Variants in SNX25 observed in about 807,000 individuals in gnomAD.
The protein encoded by SNX25 is sorting nexin-25.
SNX25 carries 62 observed loss-of-function variants against 113.7 expected under a neutral mutation model. The ratio of observed to expected loss-of-function variants is 0.55; its 90% CI spans 0.44 to 0.67. The LOEUF is 0.67. Ranked by LOEUF, SNX25 falls within the 30% of genes least tolerant of loss-of-function variation. The pLI is 0.00. For missense variants in SNX25, 1,014 were observed against 1,161.0 expected, an observed-to-expected ratio of 0.87 and a Z score of 1.84; for synonymous variants, 421 against 436.2, an observed-to-expected ratio of 0.97 and a Z score of 0.43.
chr4:185,288,185 C>T, intron 6 of SNX25, 103 bp downstream of exon 6: 1 of 774,698 alleles, frequency 1.3e-6, no homozygotes, highest in East Asian at 2.6e-5. Context: ...GCTTTTCTGG[C>T]TTACATTTAA....
At chr4:185,258,444 G>A (rs576801696) in intron 2 of SNX25, among the ~76,000 whole-genome samples, 6 of 152,272 alleles carry the variant, frequency 3.9e-5, no homozygotes, top group South Asian at 4.1e-4. Context: ...AGAAACTGAC[G>A]GTGTTTGCAG....
intron 2 of SNX25, 55 bp from the exon 3 acceptor site, chr4:185,258,793 C>A: frequency 5.6e-6 from 8 of 1,429,500 alleles, no homozygotes; most frequent in Non-Finnish European, 7.9e-6. Context: ...GAAATGCAGT[C>A]TTGGTGTTTG....
chr4:185,275,668 A>G (rs1431279250), intron 5 of SNX25, among the ~76,000 whole-genome samples: 1 of 152,214 alleles, frequency 6.6e-6, no homozygotes. Context: ...AGTGATTCTG[A>G]AAATACATTG....
chr4:185,285,933 C>T (rs1436173973), intron 5 of SNX25, among the ~76,000 whole-genome samples: 2 of 130,456 alleles, frequency 1.5e-5, no homozygotes, highest in African/African-American at 6.2e-5. Context: ...CCACCATGCC[C>T]AGCTAATTTT....
At chr4:185,238,507 A>G (rs1743001728) in intron 1 of SNX25, among the ~76,000 whole-genome samples, 1 of 152,154 alleles carries the variant, frequency 6.6e-6, no homozygotes, top group Non-Finnish European at 1.5e-5. Context: ...AGGCTGAGGC[A>G]GAATATCGTT....
rs1181280014 is a variant in SNX25 at position 185,334,134 on chromosome 4, C to T, written c.1914+1375C>T. The stretch of plus-strand genomic sequence containing the variant: ...CGGGTGGATCACTTGAGGTCAGGAG[C>T]TCGAGGCCAGCCTGGCCAACATGAT... On this transcript the variant is annotated intron_variant, in intron 10 of 18. Transcript: ENST00000652585. The surrounding 1 kb of genome is among the most constrained non-coding windows in gnomAD (Gnocchi z 4.2). Among the ~76,000 whole-genome samples, 1 of 151,378 alleles carries T rather than the reference C, an allele frequency of 6.6e-6. No individual in the cohort carries two copies. Among genetic ancestry groups the T allele is most frequent in the South Asian group, 2.1e-4 (1 of 4,786 alleles).
intron 1 of SNX25, among the ~76,000 whole-genome samples, chr4:185,239,441 C>T (rs1313396515): frequency 1.3e-5 from 2 of 151,178 alleles, no homozygotes. Context: ...TGAGATCGCA[C>T]CGCTGCACTC....
At chr4:185,311,906 T>C (rs2095034115) in intron 7 of SNX25, among the ~76,000 whole-genome samples, 2 of 152,300 alleles carry the variant, frequency 1.3e-5, no homozygotes, top group Admixed American at 1.3e-4. Flanking sequence ...ACTCTTGTTT[T>C]TATAATCCTC....
chr4:185,219,234 G>T (rs1293876517), intron 1 of SNX25, among the ~76,000 whole-genome samples: 2 of 152,160 alleles, frequency 1.3e-5, no homozygotes. Context: ...TGGCAGGCTA[G>T]CCCTGTTTCT....
intron 5 of SNX25, among the ~76,000 whole-genome samples, chr4:185,276,610 G>A (rs1298919532): frequency 6.6e-6 from 1 of 152,162 alleles, no homozygotes; most frequent in African/African-American, 2.4e-5. Context: ...TGGGGCGGGA[G>A]GATGGCTTGA....
chr4:185,211,469 CTT>C (rs1020269759), intron 1 of SNX25, among the ~76,000 whole-genome samples: 1 of 152,136 alleles, frequency 6.6e-6, no homozygotes, highest in Non-Finnish European at 1.5e-5. Context: ...TGTCTCTCCT[CTT>C]TTTTTCTACC....
At chr4:185,279,357 A>G (rs1384739100) in intron 5 of SNX25, among the ~76,000 whole-genome samples, 2 of 152,130 alleles carry the variant, frequency 1.3e-5, no homozygotes, top group Middle Eastern at 3.2e-3. Context: ...CTGTTCAAAT[A>G]TAATTTTCTA....
At chr4:185,289,731 T>C (rs1263627526) in intron 6 of SNX25, among the ~76,000 whole-genome samples, 6 of 152,192 alleles carry the variant, frequency 3.9e-5, no homozygotes, top group African/African-American at 1.4e-4. Context: ...TCCAGACAGA[T>C]GGATAATTGT....
chr4:185,350,894 A>G (rs1222272126), intron 13 of SNX25, among the ~76,000 whole-genome samples: 1 of 152,192 alleles, frequency 6.6e-6, no homozygotes, highest in Non-Finnish European at 1.5e-5. Flanking sequence ...ATTGTTACAT[A>G]ATTATGTAAA....
chr4:185,374,066 C>A (rs377259263), downstream of SNX25: 15 of 1,278,086 alleles, frequency 1.2e-5, no homozygotes, highest in African/African-American at 1.5e-4. Context: ...CCACCATTTT[C>A]TCAAAAAAAG....
At chr4:185,340,482 G>A (rs1004457436) in intron 11 of SNX25, among the ~76,000 whole-genome samples, 3 of 152,158 alleles carry the variant, frequency 2.0e-5, no homozygotes, top group African/African-American at 7.2e-5. Flanking sequence ...TCCATGGAAG[G>A]CAGAGAGCAG....
At chr4:185,333,998 G>A (rs1268559565) in intron 10 of SNX25, among the ~76,000 whole-genome samples, 9 of 149,916 alleles carry the variant, frequency 6.0e-5, no homozygotes, top group Non-Finnish European at 1.2e-4. Context: ...GCAGTGAGCC[G>A]TGATCATGTT....
At chr4:185,336,843 TC>T (rs1398601686) in intron 10 of SNX25, among the ~76,000 whole-genome samples, 1 of 152,240 alleles carries the variant, frequency 6.6e-6, no homozygotes, top group African/African-American at 2.4e-5. Flanking sequence ...TATTTTTTTA[TC>T]ATGGCCATTC....
At chr4:185,251,266 A>G (rs778678515) in intron 2 of SNX25, among the ~76,000 whole-genome samples, 2 of 152,182 alleles carry the variant, frequency 1.3e-5, no homozygotes, top group Non-Finnish European at 2.9e-5. Flanking sequence ...AAGTGCTGGG[A>G]TTATAGGCAT....
Sources: gnomAD v4.1 joint callset for allele counts (sites outside exome capture counted in the v4.1 genomes callset) on GRCh38, gnomAD v4.1.1 for gene constraint, Gnocchi (gnomAD v3.1) non-coding constraint, MANE v1.5 for transcripts, NCBI Gene and HGNC (gene_info 2026-07-23, HGNC 2026-07-21) for gene names.